The following ITPR1 variants were observed in gnomAD, a reference collection of about 807,000 sequenced individuals.
The protein encoded by ITPR1 is inositol 1,4,5-trisphosphate receptor type 1.
Under a neutral mutation model 318.4 loss-of-function variants are expected in ITPR1, and 96 were observed. That is an observed-to-expected ratio of 0.30 (90% CI 0.26 to 0.36). ITPR1 has a LOEUF of 0.36. Among genes scored for constraint, ITPR1 ranks in the 10% least tolerant of loss-of-function variants. ITPR1 has a pLI of 1.00. For missense variants in ITPR1, 2,440 were observed against 3,460.2 expected (o/e 0.71, Z 7.40); for synonymous variants, 1,312 against 1,289.9 (o/e 1.02, Z -0.37).
intron 40 of ITPR1, among the ~76,000 whole-genome samples, chr3:4,722,750 CCA>C: frequency 1.3e-5 from 1 of 77,928 alleles, no homozygotes. Context: ...CATGCCTGGC[CCA>C]TGGGTTGGAT....
chr3:4,518,808 G>A lies in ITPR1; in HGVS notation c.93-2216G>A, dbSNP rs538134295. 2.4e-4 allele frequency among the ~76,000 whole-genome samples: 37 copies of A among 152,298 alleles called. No individual in the cohort carries two copies. The South Asian group carries it at 7.0e-3, about 29-fold the overall frequency. ...GGTTCAGCTTGGTGCGGTAGCTAAC[G>A]CCTGTAATCCCAGCTACTTGGGAGG... On this transcript the variant is annotated intron_variant, in intron 3 of 61. Transcript: ENST00000649015.
At chr3:4,832,620 C>A (rs1231091565) in intron 60 of ITPR1, among the ~76,000 whole-genome samples, 3 of 152,064 alleles carry the variant, frequency 2.0e-5, no homozygotes, top group Non-Finnish European at 4.4e-5. Context: ...GGGTGACACA[C>A]CAAGACTCCG....
At chr3:4,835,649 A>C (rs573201937) in intron 60 of ITPR1, among the ~76,000 whole-genome samples, 4 of 152,300 alleles carry the variant, frequency 2.6e-5, no homozygotes, top group Admixed American at 2.6e-4. Context: ...GGTCCAGGTG[A>C]GAATGACACC....
At chr3:4,833,796 G>C (rs1034421220) in intron 60 of ITPR1, among the ~76,000 whole-genome samples, 2 of 152,184 alleles carry the variant, frequency 1.3e-5, no homozygotes, top group African/African-American at 4.8e-5. Context: ...TGCTTGAAGA[G>C]GATTTTAGCC....
Position 4,670,940 on chromosome 3 carries a change from G to C in ITPR1, c.2204+14G>C, listed in dbSNP as rs529693973. The stretch of plus-strand genomic sequence containing the variant: ...CAGCTACTACAGGTGCGTGGGACAC[G>C]TGTGGGGCTCAGATTGGGGTGCCCC... On this transcript the variant is annotated intron_variant, in intron 20 of 61. Coordinates refer to ENST00000649015, the MANE Select transcript of ITPR1 (RefSeq NM_001378452.1). The C allele has an allele frequency of 2.0e-6, 3 of 1,520,700 alleles. No individual in the cohort carries two copies. Among genetic ancestry groups the C allele is most frequent in the African/African-American group, 1.4e-5 (1 of 72,178 alleles). The allele number at this position is 1,520,700 out of a possible 1,614,324, so 94.2% of individuals were successfully genotyped here. A position where few individuals can be genotyped will look rare whatever the true frequency, so the allele number is the denominator to read the frequency against.
At chr3:4,535,353 G>A (rs184156151) in intron 4 of ITPR1, among the ~76,000 whole-genome samples, 7 of 151,142 alleles carry the variant, frequency 4.6e-5, no homozygotes, top group Admixed American at 4.6e-4. Context: ...TGAAAATGAT[G>A]TTGGGCTAGG....
chr3:4,771,059 A>G (rs977421932), intron 46 of ITPR1, among the ~76,000 whole-genome samples: 2 of 152,164 alleles, frequency 1.3e-5, no homozygotes, highest in African/African-American at 4.8e-5. Context: ...CTATTCCCCT[A>G]TGCAGGTGTC....
In ITPR1 at chr3:4,788,169, G is replaced by A. The variant is rs552344697; in HGVS notation, c.6808+30G>A. On this transcript the variant is annotated intron_variant, in intron 52 of 61. Coordinates refer to ENST00000649015, the MANE Select transcript of ITPR1 (RefSeq NM_001378452.1). ...GTTCCAACGCATCAGCAACAACACA[G>A]AGAGACACAGTTCTGGGATTTCACA... The A allele has an allele frequency of 7.8e-6, 12 of 1,547,894 alleles. No homozygotes were observed. In the East Asian group the frequency reaches 2.8e-4, roughly 36 times the overall value.
chr3:4,842,276 T>G (rs2051405242), intron 61 of ITPR1, among the ~76,000 whole-genome samples: 1 of 152,272 alleles, frequency 6.6e-6, no homozygotes, highest in Admixed American at 6.5e-5. Flanking sequence ...AAATTCAAGC[T>G]AGTTTCTACA....
chr3:4,662,025 A>G, intron 14 of ITPR1, 57 bp from the exon 15 acceptor site: 1 of 1,461,850 alleles, frequency 6.8e-7, no homozygotes, highest in East Asian at 2.3e-5. Context: ...GTGTTTGATT[A>G]AAGTCTTATC....
chr3:4,757,368 C>T (rs937163330), intron 44 of ITPR1, among the ~76,000 whole-genome samples: 1 of 152,152 alleles, frequency 6.6e-6, no homozygotes, highest in East Asian at 1.9e-4. Flanking sequence ...ATGTATTAAA[C>T]GTCATGGGAA....
At chr3:4,835,572 G>A (rs2050844147) in intron 60 of ITPR1, among the ~76,000 whole-genome samples, 1 of 152,136 alleles carries the variant, frequency 6.6e-6, no homozygotes, top group Non-Finnish European at 1.5e-5. Context: ...GTGAGTGTGT[G>A]TGTGTGTGGG....
intron 52 of ITPR1, among the ~76,000 whole-genome samples, chr3:4,792,607 G>A (rs915409735): frequency 6.6e-6 from 1 of 152,118 alleles, no homozygotes; most frequent in Non-Finnish European, 1.5e-5. Flanking sequence ...GAGGCCTCAG[G>A]TCCCCTCCAC....
intron 60 of ITPR1, among the ~76,000 whole-genome samples, chr3:4,835,579 T>A (rs189929902): frequency 6.6e-6 from 1 of 151,950 alleles, no homozygotes; most frequent in African/African-American, 2.4e-5. Flanking sequence ...TGTGTGTGTG[T>A]GGGAGGGGGC....
intron 10 of ITPR1, among the ~76,000 whole-genome samples, chr3:4,649,315 G>T (rs997220272): frequency 2.0e-5 from 3 of 152,308 alleles, no homozygotes; most frequent in Middle Eastern, 3.4e-3. Context: ...TTCATAGGAA[G>T]ACGTTGAATA....
At chr3:4,681,656 T>TGTGTGTCC (rs149161211) in intron 26 of ITPR1, among the ~76,000 whole-genome samples, 13 of 151,320 alleles carry the variant, frequency 8.6e-5, no homozygotes, top group African/African-American at 3.2e-4. Flanking sequence ...TGTGTGTGTG[T>TGTGTGTCC]GTCCCACCTA....
At chr3:4,619,473 ACCTCTCT>A (rs2092511880) in intron 4 of ITPR1, among the ~76,000 whole-genome samples, 2 of 122,420 alleles carry the variant, frequency 1.6e-5, no homozygotes, top group South Asian at 5.2e-4. Context: ...TTCCTTACCT[ACCTCTCT>A]CCTCACTCCT....
At chr3:4,527,065 A>G (rs1350708260) in intron 4 of ITPR1, among the ~76,000 whole-genome samples, 3 of 152,222 alleles carry the variant, frequency 2.0e-5, no homozygotes, top group African/African-American at 4.8e-5. Context: ...GAGCGCATCT[A>G]TTTGGTACCT....
intron 5 of ITPR1, among the ~76,000 whole-genome samples, chr3:4,637,993 C>A (rs779679481): frequency 1.1e-4 from 17 of 152,162 alleles, no homozygotes; most frequent in Non-Finnish European, 2.2e-4. Flanking sequence ...CTGATCTCTA[C>A]GATGGCCCTA....
Sources: gnomAD v4.1 joint callset for allele counts (sites outside exome capture counted in the v4.1 genomes callset) on GRCh38, gnomAD v4.1.1 for gene constraint, MANE v1.5 for transcripts, NCBI Gene and HGNC (gene_info 2026-07-23, HGNC 2026-07-21) for gene names.